DPP10: variants seen among roughly 807,000 people sequenced by gnomAD.
The protein encoded by DPP10 is dipeptidyl peptidase like 10.
Under a neutral mutation model 120.9 loss-of-function variants are expected in DPP10, and 33 were observed. The observed-to-expected ratio is 0.27, with a 90% CI of 0.21 to 0.37. DPP10 has a LOEUF of 0.37. DPP10 is among the 10% of genes least tolerant of loss of function. The probability of loss-of-function intolerance (pLI) is 1.00; values close to 1 mark genes in which losing one functional copy is unlikely to be tolerated. For missense variants in DPP10, 816 were observed against 942.8 expected, an observed-to-expected ratio of 0.87 and a Z score of 1.76; for synonymous variants, 337 against 326.1, an observed-to-expected ratio of 1.03 and a Z score of -0.36.
At chr2:115,469,987 A>T (rs1225581155) in intron 3 of DPP10, among the ~76,000 whole-genome samples, 1 of 151,878 alleles carries the variant, frequency 6.6e-6, no homozygotes, top group African/African-American at 2.4e-5. Context: ...GATTAATTCC[A>T]TTTTTAAATG....
intron 1 of DPP10, among the ~76,000 whole-genome samples, chr2:114,876,016 A>G (rs929862646): frequency 5.3e-5 from 8 of 152,118 alleles, no homozygotes; most frequent in Admixed American, 3.9e-4. Context: ...TAGAGTTTTG[A>G]TAGTATATTC....
At chr2:114,476,965 C>CTT (rs111901011) in intron 1 of DPP10, among the ~76,000 whole-genome samples, 3 of 146,914 alleles carry the variant, frequency 2.0e-5, no homozygotes, top group Admixed American at 6.8e-5. Context: ...AAAATTGATT[C>CTT]TTTTTTTTTT....
chr2:114,868,092 A>G (rs1357253271), intron 1 of DPP10, among the ~76,000 whole-genome samples: 2 of 152,236 alleles, frequency 1.3e-5, no homozygotes, highest in Non-Finnish European at 2.9e-5. Context: ...TGAAAGCCAA[A>G]TCATGGTCAA....
chr2:114,720,457 G>C (rs1377926705), intron 1 of DPP10, among the ~76,000 whole-genome samples: 1 of 152,030 alleles, frequency 6.6e-6, no homozygotes, highest in Non-Finnish European at 1.5e-5. Flanking sequence ...TTCTTCTTAA[G>C]GTCTTCAGTT....
chr2:114,873,425 G>A (rs771414591), intron 1 of DPP10, among the ~76,000 whole-genome samples: 2 of 152,150 alleles, frequency 1.3e-5, no homozygotes, highest in Non-Finnish European at 2.9e-5. Flanking sequence ...TGGCTTTTAG[G>A]AGGATGTGCG....
chr2:114,868,585 T>A (rs967809696), intron 1 of DPP10, among the ~76,000 whole-genome samples: 1 of 152,150 alleles, frequency 6.6e-6, no homozygotes, highest in Non-Finnish European at 1.5e-5. Flanking sequence ...ACACACTTGG[T>A]ACGGTCAGAC....
chr2:114,525,962 A>G (rs974959065), intron 1 of DPP10, among the ~76,000 whole-genome samples: 3 of 152,210 alleles, frequency 2.0e-5, no homozygotes, highest in Non-Finnish European at 4.4e-5. Flanking sequence ...ATTTAGGCAC[A>G]AGCAAGGTGC....
chr2:115,237,015 G>T (rs1469925322), intron 1 of DPP10, among the ~76,000 whole-genome samples: 1 of 152,082 alleles, frequency 6.6e-6, no homozygotes, highest in Non-Finnish European at 1.5e-5. Flanking sequence ...ATGTATAGCA[G>T]CAGCAACAGC....
intron 1 of DPP10, among the ~76,000 whole-genome samples, chr2:114,514,891 T>A (rs1480129558): frequency 1.1e-4 from 17 of 152,234 alleles, no homozygotes; most frequent in Admixed American, 1.0e-3. Flanking sequence ...TTACTCCTAT[T>A]GCCAATAGAT....
chr2:115,402,525 C>T (rs2068145368), intron 3 of DPP10, among the ~76,000 whole-genome samples: 1 of 151,528 alleles, frequency 6.6e-6, no homozygotes, highest in African/African-American at 2.4e-5. Context: ...CACACCAGTA[C>T]ATTGGATAAC....
chr2:115,274,003 C>A (rs1056185364), intron 1 of DPP10, among the ~76,000 whole-genome samples: 1 of 152,042 alleles, frequency 6.6e-6, no homozygotes, highest in South Asian at 2.1e-4. Flanking sequence ...CCCACCTCTC[C>A]GAGAGTGGTG....
chr2:114,893,318 A>C (rs1349676859), intron 1 of DPP10, among the ~76,000 whole-genome samples: 1 of 152,236 alleles, frequency 6.6e-6, no homozygotes, highest in Non-Finnish European at 1.5e-5. Flanking sequence ...ACTAGAAAGC[A>C]GTGTTAACCT....
chr2:114,950,381 G>A (rs1055689684), intron 1 of DPP10, among the ~76,000 whole-genome samples: 12 of 139,736 alleles, frequency 8.6e-5, no homozygotes, highest in South Asian at 2.4e-4. Context: ...TGCAAGCTCC[G>A]CCTCCTGGGT....
chr2:114,945,471 G>A (rs1697274323), intron 1 of DPP10, among the ~76,000 whole-genome samples: 1 of 152,112 alleles, frequency 6.6e-6, no homozygotes, highest in Admixed American at 6.5e-5. Flanking sequence ...GGGCAGGTAA[G>A]CATATGAAGA....
chr2:114,491,883 T>C (rs899472001), intron 1 of DPP10, among the ~76,000 whole-genome samples: 4 of 152,190 alleles, frequency 2.6e-5, no homozygotes, highest in Admixed American at 6.5e-5. Context: ...GGTGGTGTCT[T>C]TCCCTTTAGT....
intron 1 of DPP10, among the ~76,000 whole-genome samples, chr2:114,768,080 A>G (rs1441690174): frequency 6.8e-6 from 1 of 146,048 alleles, no homozygotes; most frequent in Non-Finnish European, 1.5e-5. Context: ...GTGAGCCGAG[A>G]TTGTGCCACT....
intron 3 of DPP10, among the ~76,000 whole-genome samples, chr2:115,392,320 T>A (rs2067374877): frequency 6.6e-6 from 1 of 152,182 alleles, no homozygotes; most frequent in African/African-American, 2.4e-5. Flanking sequence ...CTGGGTTTTA[T>A]TGTCTATAAC....
Position 115,309,280 on chromosome 2 carries a change from A to C in DPP10, c.102A>C (p.Gly34=), listed in dbSNP as rs199896283. 1 of 1,613,462 alleles carries C rather than the reference A, an allele frequency of 6.2e-7. No homozygotes were observed. The highest frequency in any genetic ancestry group is 1.7e-5 in the Admixed American group (1 of 59,974). Residue 34 remains glycine (G), a synonymous_variant, in exon 2 of 26, where the codon GGA becomes GGC. Transcript: ENST00000410059. ...SNSPPQRNWK[G]IAIALLVILV... ...GCCCTCCACAGAGAAACTGGAAGGG[A>C]ATTGCTATTGCTCTGCTGGTGATTT...
At chr2:114,936,376 TATATATACAC>T (rs1244436381) in intron 1 of DPP10, among the ~76,000 whole-genome samples, 5 of 151,888 alleles carry the variant, frequency 3.3e-5, no homozygotes, top group African/African-American at 4.8e-5. Flanking sequence ...TGTGTGTGTA[TATATATACAC>T]ATATATACAC....
Sources: allele counts gnomAD v4.1 joint callset (sites outside exome capture counted in the v4.1 genomes callset), GRCh38; gene constraint gnomAD v4.1.1; transcripts MANE v1.5; gene names NCBI Gene and HGNC (gene_info 2026-07-23, HGNC 2026-07-21).